TBC1D15: variants seen among roughly 807,000 people sequenced by gnomAD.
The protein encoded by TBC1D15 is TBC1 domain family member 15.
Under a neutral mutation model 95.4 loss-of-function variants are expected in TBC1D15, and 39 were observed. That is an observed-to-expected ratio of 0.41 (90% confidence interval 0.32 to 0.53). The LOEUF is 0.53. TBC1D15 is among the 20% of genes least tolerant of loss of function. The pLI is 0.29. For synonymous variants in TBC1D15, 258 were observed against 261.3 expected, an observed-to-expected ratio of 0.99 and a Z score of 0.12; for missense variants, 733 against 794.3, an observed-to-expected ratio of 0.92 and a Z score of 0.93.
chr12:71,912,025 C>G (rs1902495170), intron 11 of TBC1D15, among the ~76,000 whole-genome samples: 1 of 152,082 alleles, frequency 6.6e-6, no homozygotes, highest in Admixed American at 6.6e-5. Flanking sequence ...TGAAATATTT[C>G]TGATGTAGAT....
rs143287719 is a variant in TBC1D15 at position 71,876,397 on chromosome 12, C to T, written c.204+3394C>T. On this transcript the variant is annotated intron_variant, in intron 3 of 16. Coordinates refer to ENST00000485960, the MANE Select transcript of TBC1D15 (RefSeq NM_001146213.3). ...TCTGTGAATCACCTTGAAACTCTTG[C>T]TCAGTTGTCTACATTTCTTCTCAGA... 5.5e-3 allele frequency among the ~76,000 whole-genome samples: 843 copies of T among 152,214 alleles called. 8 individuals are homozygous for T. Among genetic ancestry groups the T allele is most frequent in the African/African-American group, 0.019 (809 of 41,522 alleles).
chr12:71,870,596 C>G (rs1892462029), intron 1 of TBC1D15, among the ~76,000 whole-genome samples: 1 of 152,148 alleles, frequency 6.6e-6, no homozygotes. Context: ...AATGTGGAAC[C>G]TTTATAATGT....
intron 5 of TBC1D15, among the ~76,000 whole-genome samples, chr12:71,891,345 T>C (rs1346139609): frequency 2.6e-5 from 4 of 152,176 alleles, no homozygotes; most frequent in African/African-American, 9.6e-5. Flanking sequence ...TCAAATTGTT[T>C]AGCAGGCTGT....
chr12:71,862,702 G>C (rs187681063), intron 1 of TBC1D15, among the ~76,000 whole-genome samples: 1 of 152,266 alleles, frequency 6.6e-6, no homozygotes, highest in East Asian at 1.9e-4. Context: ...TGGTTGTTTT[G>C]TATATCCTTT....
intron 5 of TBC1D15, among the ~76,000 whole-genome samples, chr12:71,885,981 C>T (rs1896142895): frequency 6.6e-6 from 1 of 152,172 alleles, no homozygotes; most frequent in Non-Finnish European, 1.5e-5. Context: ...TGAGTAAAGT[C>T]CAAAGCACAA....
intron 5 of TBC1D15, 99 bp from the exon 6 acceptor site, chr12:71,893,120 GTTT>G (rs77560730): frequency 9.3e-5 from 43 of 461,234 alleles, no homozygotes; most frequent in Non-Finnish European, 1.2e-4. Flanking sequence ...AATATTTTGG[GTTT>G]TTTTTTTTTT....
At chr12:71,916,708 A>T (rs1903792931) in intron 12 of TBC1D15, among the ~76,000 whole-genome samples, 1 of 152,142 alleles carries the variant, frequency 6.6e-6, no homozygotes, top group African/African-American at 2.4e-5. Context: ...AGTTAAAGGG[A>T]TCCAAATCAT....
At chr12:71,902,841 A>G (rs781766002) in intron 10 of TBC1D15, among the ~76,000 whole-genome samples, 8 of 152,224 alleles carry the variant, frequency 5.3e-5, no homozygotes, top group Non-Finnish European at 1.2e-4. Context: ...TCAAAGGTCT[A>G]ATACCCAGAA....
chr12:71,859,803 G>A (rs1889990042), intron 1 of TBC1D15, among the ~76,000 whole-genome samples: 1 of 152,084 alleles, frequency 6.6e-6, no homozygotes, highest in Non-Finnish European at 1.5e-5. Context: ...TAGAGATGGG[G>A]TTTCACCATG....
chr12:71,914,550 A>G (rs1393629126), intron 12 of TBC1D15, among the ~76,000 whole-genome samples: 2 of 152,030 alleles, frequency 1.3e-5, no homozygotes, highest in East Asian at 3.8e-4. Flanking sequence ...AGGAAAATAA[A>G]AGAAAAGTCT....
At chr12:71,861,904 A>G (rs1890458678) in intron 1 of TBC1D15, among the ~76,000 whole-genome samples, 2 of 136,228 alleles carry the variant, frequency 1.5e-5, no homozygotes. Flanking sequence ...GTTTGTTTCA[A>G]GAAATTTAAA....
chr12:71,876,996 A>G (rs1893981111), intron 3 of TBC1D15, among the ~76,000 whole-genome samples: 1 of 151,742 alleles, frequency 6.6e-6, no homozygotes, highest in South Asian at 2.1e-4. Flanking sequence ...TTTTTAGTAG[A>G]GGCAAGGTTT....
At chr12:71,891,690 A>G (rs527992921) in intron 5 of TBC1D15, among the ~76,000 whole-genome samples, 1 of 152,016 alleles carries the variant, frequency 6.6e-6, no homozygotes, top group Non-Finnish European at 1.5e-5. Context: ...TCCACCCTCC[A>G]TCACACAACA....
chr12:71,924,187 C>T lies in TBC1D15; in HGVS notation c.*983C>T, dbSNP rs1870388780. The stretch of plus-strand genomic sequence containing the variant: ...CAAAATAATAATTTTTGTGTATGAA[C>T]AAAGCTGTTGTTTTTACCATGCAGT... On this transcript the variant is annotated 3_prime_UTR_variant, in exon 17 of 17. Transcript: ENST00000485960. The T allele has an allele frequency of 6.6e-6, 1 of 152,376 alleles. No homozygotes were observed. The highest frequency in any genetic ancestry group is 2.4e-5 in the African/African-American group (1 of 41,372). 9.4% of individuals were successfully genotyped at this position (152,376 alleles called of 1,614,324 possible).
chr12:71,879,689 TTTC>T (rs146342095), intron 3 of TBC1D15, among the ~76,000 whole-genome samples: 8,940 of 152,284 alleles, frequency 0.059, 352 homozygotes, highest in South Asian at 0.15. Context: ...GTTGGACATC[TTTC>T]TATGTTTATT....
intron 10 of TBC1D15, among the ~76,000 whole-genome samples, chr12:71,906,786 A>G (rs1035026428): frequency 1.3e-5 from 2 of 152,206 alleles, no homozygotes; most frequent in South Asian, 2.1e-4. Flanking sequence ...ATGTTTAGAT[A>G]ATAATTGAAA....
At chr12:71,849,071 G>A (rs927617581) in intron 1 of TBC1D15, among the ~76,000 whole-genome samples, 1 of 149,556 alleles carries the variant, frequency 6.7e-6, no homozygotes, top group African/African-American at 2.5e-5. Flanking sequence ...TATTGTGACT[G>A]CCAAAATATT....
chr12:71,851,236 A>C (rs328773), intron 1 of TBC1D15, among the ~76,000 whole-genome samples: 13,138 of 152,068 alleles, frequency 0.086, 646 homozygotes, highest in South Asian at 0.15. Context: ...ATCTCATGAG[A>C]ACTCACTATT....
intron 1 of TBC1D15, among the ~76,000 whole-genome samples, chr12:71,862,943 T>A (rs1890694260): frequency 6.6e-6 from 1 of 152,230 alleles, no homozygotes; most frequent in Non-Finnish European, 1.5e-5. Context: ...AGTTTTCACA[T>A]GTCTGGAAAA....
Sources: gnomAD v4.1 joint callset for allele counts (sites outside exome capture counted in the v4.1 genomes callset) on GRCh38, gnomAD v4.1.1 for gene constraint, MANE v1.5 for transcripts, NCBI Gene and HGNC (gene_info 2026-07-23, HGNC 2026-07-21) for gene names.